The following SOX5 variants were observed in gnomAD, a reference collection of about 807,000 sequenced individuals.
The protein encoded by SOX5 is SRY-box transcription factor 5, also known as transcription factor SOX-5.
SOX5 carries 9 observed loss-of-function variants against 92.0 expected under a neutral mutation model. The observed-to-expected ratio is 0.10, with a 90% CI of 0.06 to 0.17. SOX5 has a LOEUF of 0.17. Among genes scored for constraint, SOX5 ranks in the 10% least tolerant of loss-of-function variants. SOX5 has a pLI of 1.00. For synonymous variants in SOX5, 344 were observed against 336.3 expected, an observed-to-expected ratio of 1.02 and a Z score of -0.25; for missense variants, 642 against 944.5, an observed-to-expected ratio of 0.68 and a Z score of 4.20.
rs377575746 is a variant in SOX5, at chr12:24,289,144, G to A, written c.-173-11832C>T. On this transcript the variant is annotated intron_variant, in intron 2 of 4. Transcript: ENST00000446891. Reference sequence around the variant, plus strand: ...AAAAATACAAAAAGTAGCCAGTCATGGCGGCTTGCATCTGTGGTCCCAGGT... The same window carrying A: ...AAAAATACAAAAAGTAGCCAGTCATAGCGGCTTGCATCTGTGGTCCCAGGT... Among the ~76,000 whole-genome samples the A allele has an allele frequency of 1.1e-3, 168 of 152,218 alleles. 1 individual carries two copies. Among genetic ancestry groups the A allele is most frequent in the Middle Eastern group, 6.8e-3 (2 of 294 alleles).
intron 3 of SOX5, among the ~76,000 whole-genome samples, chr12:23,841,049 G>C (rs945110046): frequency 3.3e-5 from 5 of 152,040 alleles, no homozygotes; most frequent in African/African-American, 1.2e-4. Flanking sequence ...GCAAACACAA[G>C]CTGCAGACTG....
intron 1 of SOX5, among the ~76,000 whole-genome samples, chr12:24,420,313 T>C (rs1226202993): frequency 6.6e-6 from 1 of 152,174 alleles, no homozygotes; most frequent in Non-Finnish European, 1.5e-5. Context: ...TATGTACAGA[T>C]GAGCTTAGAA....
At chr12:23,661,813 T>C (rs1183837613) in intron 7 of SOX5, among the ~76,000 whole-genome samples, 1 of 152,182 alleles carries the variant, frequency 6.6e-6, no homozygotes, top group African/African-American at 2.4e-5. Context: ...AGTTATTTTA[T>C]TAATTTAGAC....
intron 1 of SOX5, among the ~76,000 whole-genome samples, chr12:24,386,849 G>T (rs1421301475): frequency 6.6e-6 from 1 of 152,198 alleles, no homozygotes; most frequent in African/African-American, 2.4e-5. Flanking sequence ...AATCCAAGTA[G>T]TCTTTAATCA....
chr12:24,466,564 G>C (rs112252107), intron 1 of SOX5, among the ~76,000 whole-genome samples: 3 of 152,158 alleles, frequency 2.0e-5, no homozygotes, highest in African/African-American at 7.2e-5. Context: ...AGACAGCCTC[G>C]AGGTAGCCCA....
chr12:23,589,653 C>T (rs747044872), intron 9 of SOX5, among the ~76,000 whole-genome samples: 10 of 151,882 alleles, frequency 6.6e-5, no homozygotes, highest in Admixed American at 1.3e-4. Context: ...GCTCATATTT[C>T]CTAAATTCAG....
chr12:24,482,866 T>C (rs1175270264), intron 1 of SOX5, among the ~76,000 whole-genome samples: 1 of 152,218 alleles, frequency 6.6e-6, no homozygotes, highest in Non-Finnish European at 1.5e-5. Flanking sequence ...CACTGATAGA[T>C]GTATGTTACT....
chr12:24,051,759 T>C (rs553370636), intron 4 of SOX5, among the ~76,000 whole-genome samples: 3 of 152,188 alleles, frequency 2.0e-5, no homozygotes, highest in Admixed American at 1.3e-4. Flanking sequence ...AAATTCTCTT[T>C]TGTTAATCCA....
rs56093303 is a variant in SOX5, at chr12:24,339,140, TTCTC to T, written c.-174+29419_-174+29422del. On this transcript the variant is annotated intron_variant, in intron 2 of 4. Transcript: ENST00000446891. ...ATAATCCCTGCCTGTCTGTCTCTGT[TTCTC>T]TCTCTCTCTCTCTCTCTGCCACACA... Among the ~76,000 whole-genome samples, 80 of 125,924 alleles carry T rather than the reference TTCTC, an allele frequency of 6.4e-4. No individual in the cohort carries two copies. In the South Asian group the frequency reaches 0.012, roughly 19 times the overall value. The allele number at this position is 125,924 out of a possible 152,430, so 82.6% of individuals were successfully genotyped here. A position where few individuals can be genotyped will look rare whatever the true frequency, so the allele number is the denominator to read the frequency against.
chr12:23,825,387 C>T (rs904362567), intron 3 of SOX5, among the ~76,000 whole-genome samples: 4 of 152,192 alleles, frequency 2.6e-5, no homozygotes, highest in African/African-American at 9.6e-5. Context: ...CTTCTGCTCA[C>T]CCTCCGTGGG....
At chr12:23,860,382 T>C (rs2096741640) in intron 2 of SOX5, among the ~76,000 whole-genome samples, 1 of 152,056 alleles carries the variant, frequency 6.6e-6, no homozygotes, top group South Asian at 2.1e-4. Flanking sequence ...ATTAAGCAAC[T>C]TGAAAATAAT....
At chr12:24,095,126 CACAGAG>C (rs1279032990) in intron 4 of SOX5, among the ~76,000 whole-genome samples, 77 of 90,194 alleles carry the variant, frequency 8.5e-4, no homozygotes, top group African/African-American at 3.0e-3. Flanking sequence ...CACACACACA[CACAGAG>C]AGAGAGAGAG....
intron 3 of SOX5, among the ~76,000 whole-genome samples, chr12:24,215,262 A>G (rs1279324136): frequency 1.3e-5 from 2 of 152,140 alleles, no homozygotes; most frequent in Non-Finnish European, 2.9e-5. Flanking sequence ...TCACTAAATA[A>G]GAAACAGAAA....
rs553454666 is a variant in SOX5, at chr12:24,023,489, T to C, written c.-1-127465A>G. The stretch of plus-strand genomic sequence containing the variant: ...ACAGTGTCTGATTGGAGAAGGAAAA[T>C]TTATCTCAATACAGAACTTGTTGAC... On this transcript the variant is annotated intron_variant, in intron 4 of 4. Transcript: ENST00000446891. 1.7e-3 allele frequency among the ~76,000 whole-genome samples: 252 copies of C among 152,220 alleles called. 1 individual carries two copies. The highest frequency in any genetic ancestry group is 5.8e-3 in the African/African-American group (243 of 41,564).
intron 4 of SOX5, among the ~76,000 whole-genome samples, chr12:23,995,959 C>T (rs951370443): frequency 7.2e-5 from 11 of 152,122 alleles, no homozygotes; most frequent in Non-Finnish European, 1.3e-4. Flanking sequence ...TGTCAGCTCA[C>T]ATTATGGAAT....
chr12:24,040,799 G>A (rs903296325), intron 4 of SOX5, among the ~76,000 whole-genome samples: 1 of 152,156 alleles, frequency 6.6e-6, no homozygotes, highest in Non-Finnish European at 1.5e-5. Flanking sequence ...CGTACACCTG[G>A]GAGGCGGAGC....
At chr12:23,979,032 C>T (rs2136132782) in intron 4 of SOX5, among the ~76,000 whole-genome samples, 1 of 152,176 alleles carries the variant, frequency 6.6e-6, no homozygotes, top group South Asian at 2.1e-4. Context: ...TCTACTTATT[C>T]TTTGCTATGA....
chr12:24,251,308 GAAC>G (rs1220516918), intron 3 of SOX5, among the ~76,000 whole-genome samples: 8 of 152,156 alleles, frequency 5.3e-5, no homozygotes, highest in Non-Finnish European at 1.2e-4. Flanking sequence ...TGTTAAGGTT[GAAC>G]AACTATAGTC....
intron 4 of SOX5, among the ~76,000 whole-genome samples, chr12:24,187,837 A>G (rs1956166367): frequency 1.3e-5 from 2 of 152,018 alleles, no homozygotes; most frequent in Admixed American, 6.6e-5. Flanking sequence ...ATGGGAAGCT[A>G]CTCCTTGTGC....
Sources: allele counts gnomAD v4.1 joint callset (sites outside exome capture counted in the v4.1 genomes callset), GRCh38; gene constraint gnomAD v4.1.1; transcripts MANE v1.5; gene names NCBI Gene and HGNC (gene_info 2026-07-23, HGNC 2026-07-21).